Variants in COL5A2 observed in about 807,000 individuals in gnomAD.
The protein encoded by COL5A2 is collagen type V alpha 2 chain.
In COL5A2, 23 loss-of-function variants were observed where a neutral mutation model predicts 208.2. The ratio of observed to expected loss-of-function variants is 0.11; its 90% CI spans 0.08 to 0.16. COL5A2 has a LOEUF of 0.16. Ranked by LOEUF, COL5A2 falls within the 10% of genes least tolerant of loss-of-function variation. COL5A2 has a pLI of 1.00. For synonymous variants in COL5A2, 625 were observed against 628.5 expected (o/e 0.99, Z 0.08); for missense variants, 1,590 against 1,956.4 (o/e 0.81, Z 3.53).
intron 1 of COL5A2, among the ~76,000 whole-genome samples, chr2:189,162,960 T>C (rs1054505924): frequency 6.6e-6 from 1 of 152,082 alleles, no homozygotes; most frequent in Admixed American, 6.6e-5. Context: ...ATGGAATAAA[T>C]CAAATTTTCT....
At chr2:189,368,981 TA>T in the COL5A2 span, among the ~76,000 whole-genome samples, 12 of 152,286 alleles carry the variant, frequency 7.9e-5, no homozygotes, top group African/African-American at 2.9e-4. Flanking sequence ...TACAATACAG[TA>T]AACAGAAGTG....
intron 1 of COL5A2, among the ~76,000 whole-genome samples, chr2:189,175,745 G>A (rs1438781942): frequency 1.3e-5 from 2 of 152,158 alleles, no homozygotes; most frequent in East Asian, 3.9e-4. Context: ...TAGGGACGGA[G>A]TTTTGCCATA....
chr2:189,311,641 C>T, the COL5A2 span: 1 of 801,642 alleles, frequency 1.2e-6, no homozygotes. Context: ...TCTCCAAGGA[C>T]TGGACTGTAT....
the COL5A2 span, among the ~76,000 whole-genome samples, chr2:189,403,972 C>T: frequency 1.3e-5 from 2 of 152,036 alleles, no homozygotes; most frequent in African/African-American, 4.8e-5. Context: ...ACCTCGTGAT[C>T]CACCCACCTC....
chr2:189,066,935 G>C (rs1202441823), intron 21 of COL5A2, among the ~76,000 whole-genome samples, 153 bp from the exon 22 acceptor site: 1 of 152,142 alleles, frequency 6.6e-6, no homozygotes, highest in Non-Finnish European at 1.5e-5. Context: ...ATGAATGCAT[G>C]TGAATATGTT....
rs1559073711 is a variant in COL5A2 at position 189,039,468 on chromosome 2, G to A, written c.3729C>T (p.Ser1243=). 6.2e-7 allele frequency: 1 copy of A among 1,614,078 alleles called. No individual in the cohort carries two copies. The highest frequency in any genetic ancestry group is 8.5e-7 in the Non-Finnish European group (1 of 1,180,006). Residue 1243 remains serine, a synonymous_variant, in exon 51 of 54, where the codon AGC becomes AGT. Transcript: ENST00000374866. ...LGDIMGHYDE[S]MPDPLPEFTE... The stretch of plus-strand genomic sequence containing the variant: ...TAAACTCAGGAAGTGGATCTGGCAT[G>A]CTTTCATCATAGTGCCCCATGATAT...
At chr2:189,375,679 A>G in the COL5A2 span, among the ~76,000 whole-genome samples, 1,379 of 152,366 alleles carry the variant, frequency 9.1e-3, 69 homozygotes, top group Admixed American at 0.07. Flanking sequence ...AATTGATTCA[A>G]GATTTTTGCA....
At chr2:189,370,791 C>T in the COL5A2 span, among the ~76,000 whole-genome samples, 4 of 151,994 alleles carry the variant, frequency 2.6e-5, no homozygotes, top group Admixed American at 2.6e-4. Flanking sequence ...GACTGACTGA[C>T]TTATTAAATA....
the COL5A2 span, among the ~76,000 whole-genome samples, chr2:189,245,640 G>A: frequency 3.9e-4 from 60 of 151,918 alleles, no homozygotes; most frequent in Non-Finnish European, 6.9e-4. Flanking sequence ...ACCTGCCACC[G>A]TGCCTGGCTA....
rs183304039 is a variant in COL5A2, at chr2:189,194,492, T to G, written c.-42+30656A>C. Among the ~76,000 whole-genome samples the G allele has an allele frequency of 2.6e-5, 4 of 152,342 alleles. No homozygotes were observed. In the East Asian group the frequency reaches 7.7e-4, roughly 29 times the overall value. On this transcript the variant is annotated intron_variant, in intron 1 of 10. Coordinates refer to the COL5A2 transcript ENST00000649966. ...AATGCTTTTTTTCCAATTAACACTG[T>G]GCAAGGACTACTTAATGTGTGATGC...
At chr2:189,150,091 A>G (rs1321581357) in intron 1 of COL5A2, among the ~76,000 whole-genome samples, 1 of 152,212 alleles carries the variant, frequency 6.6e-6, no homozygotes, top group Non-Finnish European at 1.5e-5. Context: ...TATGAGGTCA[A>G]TATGGAAAAC....
chr2:189,334,644 A>C, the COL5A2 span, among the ~76,000 whole-genome samples: 1 of 152,078 alleles, frequency 6.6e-6, no homozygotes, highest in East Asian at 1.9e-4. Flanking sequence ...AATTTGTAAG[A>C]TCTCCTTTCT....
At chr2:189,175,120 T>C (rs1688650956) in intron 1 of COL5A2, among the ~76,000 whole-genome samples, 1 of 152,140 alleles carries the variant, frequency 6.6e-6, no homozygotes, top group African/African-American at 2.4e-5. Flanking sequence ...CTAATAGTGG[T>C]GCTTCCTTTT....
the COL5A2 span, among the ~76,000 whole-genome samples, chr2:189,375,038 A>G: frequency 3.4e-5 from 5 of 148,180 alleles, no homozygotes; most frequent in African/African-American, 5.0e-5. Flanking sequence ...TTTTTTTGAG[A>G]TGGAGTCTCG....
At chr2:189,089,745 A>G (rs1185756394) in intron 7 of COL5A2, among the ~76,000 whole-genome samples, 2 of 152,098 alleles carry the variant, frequency 1.3e-5, no homozygotes, top group African/African-American at 4.8e-5. Context: ...TTCTTATTAT[A>G]TCTGTTATGA....
At chr2:189,317,657 T>C in the COL5A2 span, among the ~76,000 whole-genome samples, 1 of 152,188 alleles carries the variant, frequency 6.6e-6, no homozygotes, top group Non-Finnish European at 1.5e-5. Flanking sequence ...AAGCCAAGAA[T>C]TTATTTCATC....
At chr2:189,416,367 A>T in the COL5A2 span, among the ~76,000 whole-genome samples, 1 of 152,220 alleles carries the variant, frequency 6.6e-6, no homozygotes, top group Admixed American at 6.5e-5. Context: ...TACACCATGG[A>T]ATACTATGCA....
chr2:189,440,020 T>TATCA, the COL5A2 span, among the ~76,000 whole-genome samples: 1 of 152,188 alleles, frequency 6.6e-6, no homozygotes, highest in South Asian at 2.1e-4. Context: ...TGACAAAGGG[T>TATCA]ATCACAGTCA....
At position 189,092,340 on chromosome 2, in the gene COL5A2, C is replaced by G; in HGVS notation, c.537G>C (p.Pro179=). The G allele has an allele frequency of 6.2e-7, 1 of 1,609,498 alleles. No homozygotes were observed. Residue 179 remains proline, a synonymous_variant, in exon 7 of 54, where the codon CCG becomes CCC. Coordinates refer to ENST00000374866, the MANE Select transcript of COL5A2 (RefSeq NM_000393.5). ...QPGAPGPPGH[P]SHPGPDGLSR... is the part of the protein sequence containing the mutation. ...TCAAGCCATCGGGTCCTGGGTGGGA[C>G]GGATGTCCAGGAGGTCCTGGAGCAC...
Sources: allele counts gnomAD v4.1 joint callset (sites outside exome capture counted in the v4.1 genomes callset), GRCh38; gene constraint gnomAD v4.1.1; transcripts MANE v1.5; gene names NCBI Gene and HGNC (gene_info 2026-07-23, HGNC 2026-07-21).